The following KIAA0930 variants were observed in gnomAD, a reference collection of about 807,000 sequenced individuals.
KIAA0930 encodes KIAA0930, also known as uncharacterized protein KIAA0930.
Under a neutral mutation model 43.9 loss-of-function variants are expected in KIAA0930, and 24 were observed. That is an observed-to-expected ratio of 0.55 (90% CI 0.40 to 0.77). The LOEUF (loss-of-function observed/expected upper bound fraction) is 0.77, where lower values mean the gene tolerates loss of function less well. Ranked by LOEUF, KIAA0930 falls within the 30% of genes least tolerant of loss-of-function variation. The probability of loss-of-function intolerance (pLI) is 0.00; values close to 1 mark genes in which losing one functional copy is unlikely to be tolerated. For synonymous variants in KIAA0930, 259 were observed against 216.4 expected, an observed-to-expected ratio of 1.20 and a Z score of -1.73; for missense variants, 461 against 574.2, an observed-to-expected ratio of 0.80 and a Z score of 2.02.
chr22:45,226,516 T>G (rs2083801829), intron 1 of KIAA0930: 1 of 336,694 alleles, frequency 3.0e-6, no homozygotes, highest in Admixed American at 3.8e-5. Context: ...GCCCCCTACC[T>G]CCTGTGACCA....
intron 1 of KIAA0930, among the ~76,000 whole-genome samples, chr22:45,231,223 G>GAA (rs529570003): frequency 3.0e-4 from 14 of 47,442 alleles, no homozygotes; most frequent in East Asian, 1.2e-3. Context: ...CTCCGTCTCA[G>GAA]AAAAAAAAAA....
intron 1 of KIAA0930, chr22:45,235,154 G>A (rs1286307605): frequency 6.6e-6 from 1 of 152,252 alleles, no homozygotes; most frequent in Non-Finnish European, 1.5e-5. Flanking sequence ...GTGAGGGGAC[G>A]GCTCATGCCA....
intron 6 of KIAA0930, 76 bp downstream of exon 6, chr22:45,203,769 G>A: frequency 6.5e-7 from 1 of 1,530,070 alleles, no homozygotes; most frequent in South Asian, 1.2e-5. Context: ...GGGGCCCCAT[G>A]GTATGGACCA....
At chr22:45,222,249 G>A (rs1228682888) in intron 1 of KIAA0930, among the ~76,000 whole-genome samples, 1 of 152,184 alleles carries the variant, frequency 6.6e-6, no homozygotes, top group Non-Finnish European at 1.5e-5. Flanking sequence ...CAGAGAGGGA[G>A]AAGCCTTTCT....
At chr22:45,238,116 G>A (rs888789886) in intron 1 of KIAA0930, among the ~76,000 whole-genome samples, 2 of 151,358 alleles carry the variant, frequency 1.3e-5, no homozygotes, top group African/African-American at 2.4e-5. Context: ...TAGTAGAGAC[G>A]GGGGTTTCCT....
intron 1 of KIAA0930, among the ~76,000 whole-genome samples, chr22:45,238,881 T>TCGCTCTCG (rs1569087811): frequency 1.4e-4 from 21 of 151,292 alleles, no homozygotes; most frequent in African/African-American, 4.4e-4. Flanking sequence ...GCAGGCTCTC[T>TCGCTCTCG]CTCTCTCTCT....
At chr22:45,222,456 C>T (rs943071910) in intron 1 of KIAA0930, among the ~76,000 whole-genome samples, 20 of 152,190 alleles carry the variant, frequency 1.3e-4, no homozygotes, top group African/African-American at 4.8e-4. Flanking sequence ...ACTATAGGCG[C>T]ACGCCACCAC....
chr22:45,200,100 CCCT>C (rs1569071362), intron 7 of KIAA0930, 65 bp from the exon 8 acceptor site: 2 of 1,456,740 alleles, frequency 1.4e-6, no homozygotes, highest in Non-Finnish European at 1.8e-6. Context: ...GTCCCAACGC[CCCT>C]CCTATCCCAC....
chr22:45,224,656 G>A (rs2083787763), intron 1 of KIAA0930, among the ~76,000 whole-genome samples: 1 of 152,242 alleles, frequency 6.6e-6, no homozygotes, highest in Non-Finnish European at 1.5e-5. Flanking sequence ...TGAGATGGTA[G>A]CTGTGGCAGG....
chr22:45,199,549 A>G (rs2083568047), intron 8 of KIAA0930, among the ~76,000 whole-genome samples: 1 of 152,208 alleles, frequency 6.6e-6, no homozygotes. Context: ...CAGATCACCC[A>G]TCCGCTTTCT....
intron 1 of KIAA0930, among the ~76,000 whole-genome samples, chr22:45,220,142 G>C (rs1845849520): frequency 6.6e-6 from 1 of 152,014 alleles, no homozygotes; most frequent in African/African-American, 2.4e-5. Context: ...TGGCCAAGCA[G>C]AATTTAACTG....
chr22:45,239,765 TGGGGGTGGGGTG>T (rs2083905892), intron 1 of KIAA0930, among the ~76,000 whole-genome samples: 1 of 152,074 alleles, frequency 6.6e-6, no homozygotes, highest in African/African-American at 2.4e-5. Context: ...CAGCCTAGCC[TGGGGGTGGGGTG>T]GGGGGTGGCT....
Position 45,199,898 on chromosome 22 carries a change from C to T in KIAA0930, c.990G>A (p.Glu330=), listed in dbSNP as rs762063133. The part of the protein sequence containing the change: ...KKSHSANDSE[E]FFREDDGGAD... ...CTCCACCGTCGTCCTCCCGGAAGAA[C>T]TCCTCGCTGTCGTTGGCCGAGTGCG... is the stretch of plus-strand genomic sequence containing the variant. The change falls in exon 8 of 10, where the codon GAG becomes GAA. Residue 330 remains glutamate, a synonymous_variant. Coordinates refer to ENST00000336156, the MANE Select transcript of KIAA0930 (RefSeq NM_001009880.2). 1.3e-6 allele frequency: 2 copies of T among 1,594,464 alleles called. No individual in the cohort carries two copies. Among genetic ancestry groups the T allele is most frequent in the Non-Finnish European group, 1.7e-6 (2 of 1,166,682 alleles).
chr22:45,211,873 GA>G (rs1014993442), intron 2 of KIAA0930, 82 bp downstream of exon 2: 5 of 1,395,536 alleles, frequency 3.6e-6, no homozygotes, highest in Non-Finnish European at 4.9e-6. Context: ...AGCACTGTAG[GA>G]AAGCCCACAT....
At chr22:45,234,642 A>C (rs1463615448) in intron 1 of KIAA0930, among the ~76,000 whole-genome samples, 1 of 152,226 alleles carries the variant, frequency 6.6e-6, no homozygotes, top group Non-Finnish European at 1.5e-5. Flanking sequence ...GACATAATCC[A>C]AATACAGACA....
chr22:45,198,228 G>A (rs999062236), intron 8 of KIAA0930, among the ~76,000 whole-genome samples: 14 of 152,184 alleles, frequency 9.2e-5, no homozygotes, highest in Non-Finnish European at 1.9e-4. Flanking sequence ...AGTCTCCTCC[G>A]GGGGTTCTGG....
intron 1 of KIAA0930, among the ~76,000 whole-genome samples, chr22:45,234,392 C>T (rs1035890200): frequency 5.9e-5 from 9 of 152,224 alleles, no homozygotes; most frequent in Admixed American, 2.0e-4. Context: ...CACAGACTGG[C>T]AAGGCATGGG....
At chr22:45,204,118 C>A in intron 5 of KIAA0930, 133 bp from the exon 6 acceptor site, 1 of 1,184,896 alleles carries the variant, frequency 8.4e-7, no homozygotes, top group East Asian at 2.4e-5. Flanking sequence ...TCACACACTC[C>A]TGTGGCCCCA....
intron 1 of KIAA0930, chr22:45,226,371 G>T (rs1363153135): frequency 1.7e-5 from 8 of 470,158 alleles, no homozygotes; most frequent in Admixed American, 1.2e-4. Context: ...TGCCCCAGGC[G>T]CTGCATGAGG....
Sources: gnomAD v4.1 joint callset for allele counts (sites outside exome capture counted in the v4.1 genomes callset) on GRCh38, gnomAD v4.1.1 for gene constraint, MANE v1.5 for transcripts, NCBI Gene and HGNC (gene_info 2026-07-23, HGNC 2026-07-21) for gene names.